The following HNRNPC variants were observed in gnomAD, a reference collection of about 807,000 sequenced individuals.
HNRNPC encodes the protein heterogeneous nuclear ribonucleoproteins C1/C2.
In HNRNPC, 3 loss-of-function variants were observed where a neutral mutation model predicts 33.2. The ratio of observed to expected loss-of-function variants is 0.09; its 90% CI spans 0.04 to 0.23. The LOEUF is 0.23. Among genes scored for constraint, HNRNPC ranks in the 10% least tolerant of loss-of-function variants. The pLI is 1.00. For synonymous variants in HNRNPC, 121 were observed against 126.7 expected, an observed-to-expected ratio of 0.96 and a Z score of 0.30; for missense variants, 143 against 366.7, an observed-to-expected ratio of 0.39 and a Z score of 4.98.
intron 3 of HNRNPC, 55 bp downstream of exon 3, chr14:21,233,898 C>T (rs957132447): frequency 5.1e-6 from 8 of 1,565,732 alleles, no homozygotes; most frequent in Non-Finnish European, 6.9e-6. Context: ...AAAAAAAAAA[C>T]GTGAATAGAA....
intron 5 of HNRNPC, among the ~76,000 whole-genome samples, chr14:21,229,012 G>A (rs1368306470): frequency 6.7e-6 from 1 of 149,960 alleles, no homozygotes; most frequent in Non-Finnish European, 1.5e-5. Context: ...TTCAACCAAA[G>A]AGGCGTATGT....
intron 7 of HNRNPC, 51 bp from the exon 8 acceptor site, chr14:21,211,617 G>A (rs778330196): frequency 3.1e-5 from 48 of 1,561,446 alleles, no homozygotes; most frequent in South Asian, 3.5e-5. Flanking sequence ...TCCACAGGAC[G>A]TAGACAATCC....
At chr14:21,230,651 T>C (rs1278892590) in intron 4 of HNRNPC, 3 of 504,046 alleles carry the variant, frequency 6.0e-6, no homozygotes, top group African/African-American at 5.8e-5. Flanking sequence ...TAAGCATTCT[T>C]ATACCACACT....
At chr14:21,233,504 C>G (rs1894337872) in intron 3 of HNRNPC, among the ~76,000 whole-genome samples, 2 of 152,112 alleles carry the variant, frequency 1.3e-5, no homozygotes, top group Non-Finnish European at 2.9e-5. Context: ...CTTGAATAAA[C>G]CAAATCATAG....
At chr14:21,214,876 A>C (rs1182790530) in intron 5 of HNRNPC, among the ~76,000 whole-genome samples, 21 of 152,198 alleles carry the variant, frequency 1.4e-4, no homozygotes, top group Admixed American at 1.1e-3. Context: ...AAAATAAGTT[A>C]TCCATATCCA....
chr14:21,229,571 CAG>C (rs1019760639), intron 5 of HNRNPC, among the ~76,000 whole-genome samples: 166 of 152,232 alleles, frequency 1.1e-3, no homozygotes, highest in African/African-American at 3.8e-3. Context: ...ATTTCTCAAA[CAG>C]AAAGTCTATA....
intron 2 of HNRNPC, among the ~76,000 whole-genome samples, chr14:21,257,406 AG>A (rs1158103236): frequency 6.6e-6 from 1 of 152,138 alleles, no homozygotes; most frequent in African/African-American, 2.4e-5. Flanking sequence ...AAACGTTTCA[AG>A]GAAGAGATCT....
chr14:21,219,891 A>G (rs945119268), intron 5 of HNRNPC, among the ~76,000 whole-genome samples: 18 of 151,476 alleles, frequency 1.2e-4, no homozygotes, highest in South Asian at 6.3e-4. Flanking sequence ...TGTAAATTCC[A>G]TAATTCCAGT....
chr14:21,230,805 G>C (rs879630382), intron 4 of HNRNPC, 192 bp downstream of exon 4: 1 of 573,906 alleles, frequency 1.7e-6, no homozygotes, highest in Non-Finnish European at 3.0e-6. Flanking sequence ...TTTTCTCTAG[G>C]GCAAAAAAGA....
chr14:21,234,088 T>C lies in HNRNPC; in HGVS notation c.106A>G (p.Ile36Val), dbSNP rs1894400999. The change falls in exon 3 of 9, where the codon ATC (isoleucine) becomes GTC (valine). Residue 36 changes from isoleucine to valine, a missense_variant. By Grantham distance (29) the Ile-to-Val change is conservative. Transcript: ENST00000553300. ...ACAATTTTGCCATACTTCGAAAAGATTGCCTCCACATCAGATTTCTTGACC... is the reference window on the plus strand; with the variant it reads ...ACAATTTTGCCATACTTCGAAAAGACTGCCTCCACATCAGATTTCTTGACC... The part of the protein sequence containing the change: ...LVVKKSDVEA[I>V]FSKYGKIVGC... The C allele has an allele frequency of 6.2e-7, 1 of 1,613,948 alleles. No homozygotes were observed. The highest frequency in any genetic ancestry group is 8.5e-7 in the Non-Finnish European group (1 of 1,179,876).
At chr14:21,250,265 G>A (rs1490541607) in intron 2 of HNRNPC, among the ~76,000 whole-genome samples, 2 of 151,218 alleles carry the variant, frequency 1.3e-5, no homozygotes, top group Non-Finnish European at 3.0e-5. Flanking sequence ...AAAAAAAAAA[G>A]AAATCCACAT....
intron 2 of HNRNPC, among the ~76,000 whole-genome samples, chr14:21,261,292 T>C (rs1301061753): frequency 1.3e-5 from 2 of 152,124 alleles, no homozygotes; most frequent in Non-Finnish European, 2.9e-5. Context: ...AATAATAAAT[T>C]TGTAGAATTA....
At chr14:21,246,188 A>G (rs1356268674) in intron 2 of HNRNPC, among the ~76,000 whole-genome samples, 2 of 152,026 alleles carry the variant, frequency 1.3e-5, no homozygotes, top group East Asian at 3.9e-4. Context: ...ACATCTATGC[A>G]GCACACGGCT....
intron 2 of HNRNPC, among the ~76,000 whole-genome samples, chr14:21,242,881 C>CA (rs1895522770): frequency 6.6e-6 from 1 of 152,106 alleles, no homozygotes; most frequent in South Asian, 2.1e-4. Context: ...TTGGACACCT[C>CA]AAAAAATAAA....
chr14:21,248,208 T>A (rs920556325), intron 2 of HNRNPC, among the ~76,000 whole-genome samples: 1 of 152,092 alleles, frequency 6.6e-6, no homozygotes, highest in Non-Finnish European at 1.5e-5. Context: ...AACGCCCAGG[T>A]AACTTTGTTG....
At chr14:21,264,294 G>A (rs1215386831) in intron 1 of HNRNPC, 1 of 152,134 alleles carries the variant, frequency 6.6e-6, no homozygotes. Flanking sequence ...CTATACTAGA[G>A]ATGACTCATC....
chr14:21,251,732 T>C (rs919413568), intron 2 of HNRNPC, among the ~76,000 whole-genome samples: 4 of 152,162 alleles, frequency 2.6e-5, no homozygotes, highest in Admixed American at 1.3e-4. Flanking sequence ...AGAAATACTA[T>C]GCTTTTTTTG....
intron 2 of HNRNPC, chr14:21,262,705 G>A (rs1445320728): frequency 6.6e-6 from 1 of 152,284 alleles, no homozygotes; most frequent in African/African-American, 2.4e-5. Context: ...GCAGCTTGTG[G>A]TTTGTGAGGG....
chr14:21,257,642 G>C (rs1360123875), intron 2 of HNRNPC, among the ~76,000 whole-genome samples: 1 of 151,828 alleles, frequency 6.6e-6, no homozygotes, highest in African/African-American at 2.4e-5. Flanking sequence ...CTGGAGTACA[G>C]TGGCGCAATC....
Sources: gnomAD v4.1 joint callset for allele counts (sites outside exome capture counted in the v4.1 genomes callset) on GRCh38, gnomAD v4.1.1 for gene constraint, MANE v1.5 for transcripts, NCBI Gene and HGNC (gene_info 2026-07-23, HGNC 2026-07-21) for gene names.